Variants in MARCHF1 observed in about 807,000 individuals in gnomAD.
The protein encoded by MARCHF1 is E3 ubiquitin-protein ligase MARCHF1.
A neutral mutation model predicts 54.2 loss-of-function variants in MARCHF1; 40 were observed. The ratio of observed to expected loss-of-function variants is 0.74; its 90% CI spans 0.57 to 0.96. The LOEUF is 0.96. Among genes scored for constraint, MARCHF1 ranks in the 40% least tolerant of loss-of-function variants. MARCHF1 has a pLI of 0.00. For missense variants in MARCHF1, 586 were observed against 656.5 expected (o/e 0.89, Z 1.17); for synonymous variants, 236 against 236.3 (o/e 1.00, Z 0.01).
At chr4:163,820,489 T>G (rs1305998912) in intron 4 of MARCHF1, among the ~76,000 whole-genome samples, 3 of 152,192 alleles carry the variant, frequency 2.0e-5, no homozygotes, top group South Asian at 4.1e-4. Flanking sequence ...GATTCAATGA[T>G]GTACTCATAC....
intron 8 of MARCHF1, among the ~76,000 whole-genome samples, chr4:163,555,356 A>T (rs1413840876): frequency 6.6e-6 from 1 of 152,196 alleles, no homozygotes; most frequent in Non-Finnish European, 1.5e-5. Context: ...TTAGAGTGGC[A>T]TTGTAATATC....
rs200900966 is a variant in MARCHF1, at chr4:163,891,767, C to CAA, written c.-38-37600_-38-37599dup. On this transcript the variant is annotated intron_variant, in intron 3 of 9. Coordinates refer to ENST00000514618, the MANE Select transcript of MARCHF1 (RefSeq NM_001394959.1). The stretch of plus-strand genomic sequence containing the variant: ...AAGCAGGTTACTGCAGAAAGCACAA[C>CAA]AAAAAAAACAACAAATTGACCTGGA... Among the ~76,000 whole-genome samples the CAA allele has an allele frequency of 9.9e-5, 15 of 151,710 alleles. No individual in the cohort carries two copies. In the South Asian group the frequency reaches 1.0e-3, roughly 11 times the overall value.
chr4:163,876,312 A>G (rs2111231370), intron 3 of MARCHF1, among the ~76,000 whole-genome samples: 1 of 152,120 alleles, frequency 6.6e-6, no homozygotes, highest in Middle Eastern at 3.4e-3. Flanking sequence ...TATTCTTTAG[A>G]CCTCCCATCC....
chr4:164,190,961 T>C (rs1402047901), intron 1 of MARCHF1, among the ~76,000 whole-genome samples: 3 of 152,208 alleles, frequency 2.0e-5, no homozygotes, highest in African/African-American at 7.2e-5. Context: ...TTCTCTGTTG[T>C]TATTGTTGTG....
intron 4 of MARCHF1, among the ~76,000 whole-genome samples, chr4:163,841,601 C>T (rs1749341035): frequency 6.6e-6 from 1 of 151,978 alleles, no homozygotes; most frequent in Non-Finnish European, 1.5e-5. Flanking sequence ...TAGTCAGAGG[C>T]AGTAATAACA....
At chr4:163,605,134 G>T (rs1345981725) in intron 7 of MARCHF1, among the ~76,000 whole-genome samples, 1 of 152,038 alleles carries the variant, frequency 6.6e-6, no homozygotes, top group Admixed American at 6.6e-5. Flanking sequence ...AGAGCTAGAA[G>T]GGTTCGCTTT....
intron 1 of MARCHF1, among the ~76,000 whole-genome samples, chr4:164,345,587 T>G (rs895162547): frequency 8.6e-6 from 1 of 116,188 alleles, no homozygotes; most frequent in South Asian, 3.1e-4. Flanking sequence ...ATAATAATAA[T>G]AATAATAATA....
chr4:164,142,553 C>G (rs1756575401), intron 1 of MARCHF1, among the ~76,000 whole-genome samples: 1 of 152,202 alleles, frequency 6.6e-6, no homozygotes, highest in African/African-American at 2.4e-5. Context: ...CACCCCCCAG[C>G]AGGGGCACAC....
intron 1 of MARCHF1, among the ~76,000 whole-genome samples, chr4:164,208,018 A>G (rs1731660139): frequency 6.6e-6 from 1 of 152,184 alleles, no homozygotes; most frequent in Non-Finnish European, 1.5e-5. Flanking sequence ...AGGGATATTT[A>G]AGTAGAGCTT....
At chr4:164,093,054 T>C (rs550082913) in intron 2 of MARCHF1, among the ~76,000 whole-genome samples, 1 of 152,306 alleles carries the variant, frequency 6.6e-6, no homozygotes, top group East Asian at 1.9e-4. Flanking sequence ...GAATGCATGC[T>C]AGAACAATGA....
chr4:163,679,036 G>A lies in MARCHF1; in HGVS notation c.162+21777C>T, dbSNP rs1196974742. On this transcript the variant is annotated intron_variant, in intron 5 of 9. Coordinates refer to ENST00000514618, the MANE Select transcript of MARCHF1 (RefSeq NM_001394959.1). ...TTTGTCATCATGGTACGGGATTTGGGCAAGAGGGATGAAGCATCCAGTGGA... is the reference window on the plus strand; with the variant it reads ...TTTGTCATCATGGTACGGGATTTGGACAAGAGGGATGAAGCATCCAGTGGA... Among the ~76,000 whole-genome samples, 5 of 152,300 alleles carry A rather than the reference G, an allele frequency of 3.3e-5. No individual in the cohort carries two copies. In the East Asian group the frequency reaches 9.6e-4, roughly 29 times the overall value.
At chr4:163,634,239 C>T (rs1236921171) in intron 5 of MARCHF1, among the ~76,000 whole-genome samples, 3 of 151,442 alleles carry the variant, frequency 2.0e-5, no homozygotes, top group African/African-American at 4.9e-5. Flanking sequence ...CAAATTCACA[C>T]ATAACAATAT....
At chr4:163,754,900 G>A (rs774958807) in intron 4 of MARCHF1, among the ~76,000 whole-genome samples, 1 of 152,130 alleles carries the variant, frequency 6.6e-6, no homozygotes, top group Non-Finnish European at 1.5e-5. Context: ...ATGAAGAGGG[G>A]AGAAGGAAGC....
intron 4 of MARCHF1, among the ~76,000 whole-genome samples, chr4:163,716,015 T>A (rs1248166983): frequency 6.6e-6 from 1 of 152,198 alleles, no homozygotes; most frequent in Non-Finnish European, 1.5e-5. Flanking sequence ...GATGGATATG[T>A]GCTGTCATCA....
At chr4:164,143,616 A>C (rs1157957697) in intron 1 of MARCHF1, among the ~76,000 whole-genome samples, 1 of 152,172 alleles carries the variant, frequency 6.6e-6, no homozygotes, top group Non-Finnish European at 1.5e-5. Flanking sequence ...ACAGACAAGC[A>C]AATGCTGAGA....
At chr4:163,661,344 A>C (rs1743336696) in intron 5 of MARCHF1, among the ~76,000 whole-genome samples, 1 of 151,914 alleles carries the variant, frequency 6.6e-6, no homozygotes, top group African/African-American at 2.4e-5. Flanking sequence ...TTTGTTTTTC[A>C]TAGTACTTTC....
At chr4:164,248,157 A>T (rs1408216898) in intron 1 of MARCHF1, among the ~76,000 whole-genome samples, 1 of 152,024 alleles carries the variant, frequency 6.6e-6, no homozygotes. Flanking sequence ...TCAAATTGCA[A>T]CATACAACTT....
chr4:163,791,176 C>A (rs1747764497), intron 4 of MARCHF1, among the ~76,000 whole-genome samples: 1 of 152,110 alleles, frequency 6.6e-6, no homozygotes, highest in South Asian at 2.1e-4. Context: ...AATGTGTTTT[C>A]TTCTTCTAGC....
At chr4:164,188,463 C>A in intron 1 of MARCHF1, 1 of 648,828 alleles carries the variant, frequency 1.5e-6, no homozygotes. Flanking sequence ...GACGTGGGCA[C>A]GGTGGTCTGC....
Sources: allele counts gnomAD v4.1 joint callset (sites outside exome capture counted in the v4.1 genomes callset), GRCh38; gene constraint gnomAD v4.1.1; transcripts MANE v1.5; gene names NCBI Gene and HGNC (gene_info 2026-07-23, HGNC 2026-07-21).